Variants in TMEM154 observed in about 807,000 individuals in gnomAD.
TMEM154 encodes the protein transmembrane protein 154.
TMEM154 carries 27 observed loss-of-function variants against 24.5 expected under a neutral mutation model. That is an observed-to-expected ratio of 1.10 (90% CI 0.81 to 1.52). The LOEUF is 1.52. Ranked by LOEUF, TMEM154 falls within the 40% of genes most tolerant of loss-of-function variation. The pLI is 0.00. For missense variants in TMEM154, 228 were observed against 213.4 expected, an observed-to-expected ratio of 1.07 and a Z score of -0.43; for synonymous variants, 67 against 76.8, an observed-to-expected ratio of 0.87 and a Z score of 0.67.
intron 5 of TMEM154, 48 bp from the exon 6 acceptor site, chr4:152,641,033 T>G: frequency 6.4e-7 from 1 of 1,570,214 alleles, no homozygotes; most frequent in South Asian, 1.1e-5. Context: ...GAAATCGTAT[T>G]TTCTATCCAC....
intron 3 of TMEM154, among the ~76,000 whole-genome samples, chr4:152,651,074 CT>C (rs1728372715): frequency 6.6e-6 from 1 of 152,160 alleles, no homozygotes; most frequent in Non-Finnish European, 1.5e-5. Flanking sequence ...CAAGAATTGA[CT>C]TTAAGTCACC....
At chr4:152,678,498 T>C (rs2149792759) in intron 1 of TMEM154, among the ~76,000 whole-genome samples, 1 of 115,936 alleles carries the variant, frequency 8.6e-6, no homozygotes, top group South Asian at 3.0e-4. Flanking sequence ...CCAGAGCTCT[T>C]GGCAGAGACA....
chr4:152,660,600 G>T (rs957450146), intron 1 of TMEM154, among the ~76,000 whole-genome samples: 2 of 152,174 alleles, frequency 1.3e-5, no homozygotes, highest in Non-Finnish European at 2.9e-5. Flanking sequence ...ATGGAGGAGT[G>T]ACGATTTGAA....
intron 6 of TMEM154, among the ~76,000 whole-genome samples, chr4:152,640,392 A>T (rs1752233200): frequency 6.6e-6 from 1 of 152,214 alleles, no homozygotes; most frequent in Non-Finnish European, 1.5e-5. Flanking sequence ...CTATCCTCAC[A>T]AAAGATAATA....
chr4:152,675,225 A>T (rs1296541832), intron 1 of TMEM154, among the ~76,000 whole-genome samples: 1 of 152,106 alleles, frequency 6.6e-6, no homozygotes, highest in African/African-American at 2.4e-5. Context: ...TGTCTACACA[A>T]ACTTTAGCTA....
intron 1 of TMEM154, among the ~76,000 whole-genome samples, chr4:152,654,598 A>T (rs1208955084): frequency 6.6e-6 from 1 of 152,206 alleles, no homozygotes; most frequent in Non-Finnish European, 1.5e-5. Flanking sequence ...CATTAGGTTT[A>T]GATGAGGTCA....
At chr4:152,631,616 A>G (rs894658042) in intron 6 of TMEM154, among the ~76,000 whole-genome samples, 3 of 151,794 alleles carry the variant, frequency 2.0e-5, no homozygotes, top group Admixed American at 1.3e-4. Flanking sequence ...ACTTTTGTGG[A>G]GACAGGGTCA....
intron 1 of TMEM154, among the ~76,000 whole-genome samples, chr4:152,670,687 C>A (rs1419426432): frequency 6.6e-6 from 1 of 152,118 alleles, no homozygotes; most frequent in African/African-American, 2.4e-5. Flanking sequence ...ACTGGGTTAA[C>A]TAAAAATAAC....
intron 1 of TMEM154, chr4:152,668,670 A>G (rs1728769273): frequency 6.6e-6 from 1 of 152,316 alleles, no homozygotes; most frequent in Non-Finnish European, 1.5e-5. Flanking sequence ...GTGATAAGTT[A>G]AAGATAGGAA....
At chr4:152,670,666 A>C (rs1728818978) in intron 1 of TMEM154, among the ~76,000 whole-genome samples, 1 of 152,246 alleles carries the variant, frequency 6.6e-6, no homozygotes, top group Admixed American at 6.5e-5. Context: ...ATTCTGGAAT[A>C]AAATTATAAA....
rs957896340 is a variant in TMEM154, at chr4:152,670,511, G to A, written c.64+9359C>T. 2.1e-4 allele frequency among the ~76,000 whole-genome samples: 32 copies of A among 152,216 alleles called. 1 individual carries two copies. In the East Asian group the frequency reaches 4.8e-3, roughly 23 times the overall value. On this transcript the variant is annotated intron_variant, in intron 1 of 6. Coordinates refer to ENST00000304385, the MANE Select transcript of TMEM154 (RefSeq NM_152680.3). ...CTCGGGAGGCTGAGGCAGGAGAATC[G>A]CTTGAACCCGGGAGCCGGAGGTTGC...
At chr4:152,630,181 G>A (rs921606789) in intron 6 of TMEM154, among the ~76,000 whole-genome samples, 18 of 151,792 alleles carry the variant, frequency 1.2e-4, no homozygotes, top group Admixed American at 3.3e-4. Context: ...GTGTGGTGGT[G>A]CACACTTGTA....
chr4:152,661,820 C>T (rs1006845573), intron 1 of TMEM154, among the ~76,000 whole-genome samples: 1 of 152,174 alleles, frequency 6.6e-6, no homozygotes, highest in African/African-American at 2.4e-5. Context: ...AAGGAAGTTT[C>T]GCTACCACCC....
chr4:152,659,755 A>T (rs1728558985), intron 1 of TMEM154, among the ~76,000 whole-genome samples: 1 of 152,226 alleles, frequency 6.6e-6, no homozygotes, highest in Non-Finnish European at 1.5e-5. Flanking sequence ...ACATGTTTCA[A>T]GGCCCTAGAA....
chr4:152,672,845 G>A (rs754578142), intron 1 of TMEM154, among the ~76,000 whole-genome samples: 7 of 152,194 alleles, frequency 4.6e-5, no homozygotes, highest in Non-Finnish European at 1.0e-4. Context: ...TAAAAGGCTA[G>A]AGAGTAAACA....
At chr4:152,657,340 T>G (rs1728511018) in intron 1 of TMEM154, among the ~76,000 whole-genome samples, 1 of 151,110 alleles carries the variant, frequency 6.6e-6, no homozygotes, top group Admixed American at 6.6e-5. Flanking sequence ...ATGGCAAAAC[T>G]CCATCTCTAC....
At chr4:152,643,887 G>A (rs1752304411) in intron 4 of TMEM154, among the ~76,000 whole-genome samples, 1 of 152,032 alleles carries the variant, frequency 6.6e-6, no homozygotes, top group Non-Finnish European at 1.5e-5. Flanking sequence ...CTTCTGAGTG[G>A]AGGCTTGTTT....
Position 152,652,784 on chromosome 4 carries a change from C to G in TMEM154, c.208G>C (p.Asp70His), listed in dbSNP as rs1478397027. Residue 70 changes from aspartate (D) to histidine (H), a missense_variant, in exon 2 of 7, where the codon GAT (aspartate) becomes CAT (histidine). Physicochemically the swap from Asp to His is moderately conservative, Grantham distance 81 (BLOSUM62 -1). Transcript: ENST00000304385. The stretch of plus-strand genomic sequence containing the variant: ...AGTATAAACTCTAACTGATTTTCAT[C>G]CGGAGCAAAGTTGGTAGAATTTATA... ...ANINSTNFAP[D>H]ENQLEFILMV... The G allele has an allele frequency of 1.2e-6, 2 of 1,613,870 alleles. No individual in the cohort carries two copies. The highest frequency in any genetic ancestry group is 1.3e-5 in the African/African-American group (1 of 74,886).
At chr4:152,649,211 T>C (rs1027579699) in intron 3 of TMEM154, among the ~76,000 whole-genome samples, 4 of 152,266 alleles carry the variant, frequency 2.6e-5, no homozygotes, top group Non-Finnish European at 5.9e-5. Context: ...GAGTTTTGTA[T>C]ACATGTATGA....
Sources: gnomAD v4.1 joint callset for allele counts (sites outside exome capture counted in the v4.1 genomes callset) on GRCh38, gnomAD v4.1.1 for gene constraint, MANE v1.5 for transcripts, NCBI Gene and HGNC (gene_info 2026-07-23, HGNC 2026-07-21) for gene names.